The following SNTB1 variants were observed in gnomAD, a reference collection of about 807,000 sequenced individuals.
SNTB1 encodes the protein beta-1-syntrophin.
In SNTB1, 36 loss-of-function variants were observed where a neutral mutation model predicts 48.9. The ratio of observed to expected loss-of-function variants is 0.74; its 90% CI spans 0.56 to 0.97. The LOEUF is 0.97. SNTB1 is among the 50% of genes least tolerant of loss of function. SNTB1 has a pLI of 0.00. For synonymous variants in SNTB1, 299 were observed against 294.6 expected (o/e 1.01, Z -0.15); for missense variants, 786 against 703.4 (o/e 1.12, Z -1.33).
At chr8:120,767,366 C>T (rs1270574648) in intron 1 of SNTB1, among the ~76,000 whole-genome samples, 1 of 152,154 alleles carries the variant, frequency 6.6e-6, no homozygotes, top group Non-Finnish European at 1.5e-5. Context: ...TAAACCCCCT[C>T]CCACTCCAAA....
At chr8:120,689,584 C>A (rs1818092180) in intron 2 of SNTB1, among the ~76,000 whole-genome samples, 1 of 152,142 alleles carries the variant, frequency 6.6e-6, no homozygotes, top group South Asian at 2.1e-4. Flanking sequence ...CACTGTGGGT[C>A]TAGCTGACTG....
Position 120,563,528 on chromosome 8 carries a change from C to T in SNTB1, c.1136+11558G>A, listed in dbSNP as rs139832791. On this transcript the variant is annotated intron_variant, in intron 4 of 6. Coordinates refer to ENST00000517992, the MANE Select transcript of SNTB1 (RefSeq NM_021021.4). ...AAACATCTCTGCATGGCAGTCGACA[C>T]CAGGAACATGTTGTGAGCATTTCTG... 5.9e-5 allele frequency among the ~76,000 whole-genome samples: 9 copies of T among 152,154 alleles called. No homozygotes were observed. In the East Asian group the frequency reaches 1.7e-3, roughly 29 times the overall value.
rs779092904 is a variant in SNTB1 at position 120,811,714 on chromosome 8, C to A, written c.130G>T (p.Asp44Tyr). 1.3e-6 allele frequency: 2 copies of A among 1,577,288 alleles called. No homozygotes were observed. Among genetic ancestry groups the A allele is most frequent in the South Asian group, 2.3e-5 (2 of 87,170 alleles). Residue 44 changes from aspartate (D) to tyrosine (Y), a missense_variant, in exon 1 of 7, where the codon GAC becomes TAC. Coordinates refer to ENST00000517992, the MANE Select transcript of SNTB1 (RefSeq NM_021021.4). ...WHKVLVNLSE[D>Y]ALVLSSEEGA... is the part of the protein sequence containing the mutation. ...TCCTCGCTGCTCAGAACCAGGGCGTCCTCGCTCAAGTTCACCAGAACTTTG... is the reference window on the plus strand; with the variant it reads ...TCCTCGCTGCTCAGAACCAGGGCGTACTCGCTCAAGTTCACCAGAACTTTG...
chr8:120,625,379 T>C (rs1816857945), intron 3 of SNTB1, among the ~76,000 whole-genome samples: 1 of 152,184 alleles, frequency 6.6e-6, no homozygotes. Context: ...CCCCCTGTCT[T>C]ACATGGGCAG....
chr8:120,735,415 GC>G (rs1818926496), intron 1 of SNTB1, among the ~76,000 whole-genome samples: 1 of 152,118 alleles, frequency 6.6e-6, no homozygotes, highest in African/African-American at 2.4e-5. Context: ...ATATGTTGAA[GC>G]CCTAACCCCC....
At chr8:120,749,225 A>G (rs1359884827) in intron 1 of SNTB1, among the ~76,000 whole-genome samples, 1 of 152,206 alleles carries the variant, frequency 6.6e-6, no homozygotes, top group Non-Finnish European at 1.5e-5. Flanking sequence ...AGTTCTTCCA[A>G]AGACCCGTTT....
chr8:120,716,159 G>C (rs904198546), intron 1 of SNTB1, among the ~76,000 whole-genome samples: 1 of 151,056 alleles, frequency 6.6e-6, no homozygotes, highest in Non-Finnish European at 1.5e-5. Flanking sequence ...ATAAATATTT[G>C]ATGAATGTAT....
chr8:120,605,474 A>C (rs1816498798), intron 3 of SNTB1, among the ~76,000 whole-genome samples: 1 of 152,188 alleles, frequency 6.6e-6, no homozygotes, highest in Admixed American at 6.5e-5. Context: ...AGAGTAGTGT[A>C]TGTTCACAAG....
chr8:120,778,270 T>C (rs944093991), intron 1 of SNTB1, among the ~76,000 whole-genome samples: 4 of 152,184 alleles, frequency 2.6e-5, no homozygotes, highest in African/African-American at 9.7e-5. Context: ...TAATGTGAAA[T>C]GGCTAAGCAG....
intron 2 of SNTB1, among the ~76,000 whole-genome samples, chr8:120,678,647 T>C (rs1817879353): frequency 6.6e-6 from 1 of 152,236 alleles, no homozygotes; most frequent in Non-Finnish European, 1.5e-5. Context: ...CCCAAGACAT[T>C]TTTCTCCAAC....
rs557013659 is a variant in SNTB1, at chr8:120,585,976, C to T, written c.997-10751G>A. ...ATTTGTAGTCTAGGAAGTTAAGTGG[C>T]TCTTGACCTTTCCAGCTCATGGGAT... On this transcript the variant is annotated intron_variant, in intron 3 of 6. Transcript: ENST00000517992. 2.0e-5 allele frequency among the ~76,000 whole-genome samples: 3 copies of T among 152,346 alleles called. No individual in the cohort carries two copies. In the South Asian group the frequency reaches 6.2e-4, roughly 32 times the overall value.
In SNTB1 at chr8:120,811,751, C is replaced by G. The variant is rs995104723; in HGVS notation, c.93G>C (p.Arg31=). The G allele has an allele frequency of 3.6e-5, 55 of 1,546,464 alleles. No individual in the cohort carries two copies. Among genetic ancestry groups the G allele is most frequent in the Non-Finnish European group, 4.7e-5 (54 of 1,150,372 alleles). Residue 31 remains arginine, a synonymous_variant, in exon 1 of 7, where the codon CGG becomes CGC. Transcript: ENST00000517992. The part of the protein sequence containing the change: ...QRSGLLEVLV[R]DRWHKVLVNL... ...TCACCAGAACTTTGTGCCAGCGATC[C>G]CGCACCAAAACTTCCAGCAGCCCGC...
chr8:120,658,504 T>C (rs6469942), intron 2 of SNTB1, among the ~76,000 whole-genome samples: 89,731 of 152,032 alleles, frequency 0.59, 26,625 homozygotes, highest in South Asian at 0.71. Flanking sequence ...ACAGTGAATA[T>C]CACAATAAAA....
rs966121215 is a variant in SNTB1, at chr8:120,653,994, G to T, written c.789-21343C>A. Among the ~76,000 whole-genome samples, 6 of 123,966 alleles carry T rather than the reference G, an allele frequency of 4.8e-5. No homozygotes were observed. In the Admixed American group the frequency reaches 5.2e-4, roughly 11 times the overall value. 81.3% of individuals were successfully genotyped at this position (123,966 alleles called of 152,430 possible). A position where few individuals can be genotyped will look rare whatever the true frequency, so the allele number is the denominator to read the frequency against. Reference sequence around the variant, plus strand: ...AGCGGAGCTTGCAGTGAGCCCAGATGGCGCCACTGCACTCCAGCCTGGGAG... The same window carrying T: ...AGCGGAGCTTGCAGTGAGCCCAGATTGCGCCACTGCACTCCAGCCTGGGAG... On this transcript the variant is annotated intron_variant, in intron 2 of 6. Transcript: ENST00000517992.
chr8:120,685,378 C>T (rs1818013136), intron 2 of SNTB1, among the ~76,000 whole-genome samples: 3 of 152,250 alleles, frequency 2.0e-5, no homozygotes. Flanking sequence ...CATGTCCTCA[C>T]TGCTTGTGCA....
At chr8:120,727,490 G>A (rs950363410) in intron 1 of SNTB1, among the ~76,000 whole-genome samples, 9 of 152,168 alleles carry the variant, frequency 5.9e-5, no homozygotes, top group South Asian at 4.1e-4. Context: ...TTGAAGGGTC[G>A]TGATGAGTAT....
chr8:120,545,406 AAG>A (rs922377214), intron 5 of SNTB1, among the ~76,000 whole-genome samples: 2 of 152,112 alleles, frequency 1.3e-5, no homozygotes, highest in Non-Finnish European at 2.9e-5. Context: ...ATACGACTCA[AAG>A]AGTGTTCCCA....
intron 1 of SNTB1, among the ~76,000 whole-genome samples, chr8:120,754,093 A>G (rs1036141532): frequency 6.6e-6 from 1 of 152,206 alleles, no homozygotes; most frequent in African/African-American, 2.4e-5. Context: ...TGCTGATAGT[A>G]ACTCACTTTC....
intron 1 of SNTB1, among the ~76,000 whole-genome samples, chr8:120,699,363 C>G: frequency 6.6e-6 from 1 of 152,152 alleles, no homozygotes; most frequent in East Asian, 1.9e-4. Flanking sequence ...AGGACAGATC[C>G]CTCATGAATG....
Sources: gnomAD v4.1 joint callset for allele counts (sites outside exome capture counted in the v4.1 genomes callset) on GRCh38, gnomAD v4.1.1 for gene constraint, MANE v1.5 for transcripts, NCBI Gene and HGNC (gene_info 2026-07-23, HGNC 2026-07-21) for gene names.